The following QKI variants were observed in gnomAD, a reference collection of about 807,000 sequenced individuals.
QKI encodes QKI, KH domain containing RNA binding, also known as KH domain-containing RNA-binding protein QKI.
A neutral mutation model predicts 39.0 loss-of-function variants in QKI; 10 were observed. The observed-to-expected ratio is 0.26, with a 90% CI of 0.16 to 0.43. The LOEUF is 0.43. QKI is among the 20% of genes least tolerant of loss of function. The probability of loss-of-function intolerance (pLI) is 1.00; values close to 1 mark genes in which losing one functional copy is unlikely to be tolerated. For synonymous variants in QKI, 204 were observed against 155.4 expected (o/e 1.31, Z -2.33); for missense variants, 218 against 428.0 (o/e 0.51, Z 4.33).
At chr6:163,509,481 G>C (rs914795842) in intron 3 of QKI, among the ~76,000 whole-genome samples, 1 of 151,174 alleles carries the variant, frequency 6.6e-6, no homozygotes, top group Non-Finnish European at 1.5e-5. Flanking sequence ...TTAATAAAGG[G>C]GGGGGGGAAT....
intron 3 of QKI, among the ~76,000 whole-genome samples, chr6:163,515,280 C>T (rs757617057): frequency 6.6e-6 from 1 of 151,938 alleles, no homozygotes; most frequent in Non-Finnish European, 1.5e-5. Flanking sequence ...TAAATAGACA[C>T]AGACATATTG....
At chr6:163,550,358 C>G (rs1002313268) in intron 4 of QKI, among the ~76,000 whole-genome samples, 1 of 152,154 alleles carries the variant, frequency 6.6e-6, no homozygotes, top group Non-Finnish European at 1.5e-5. Context: ...CATTGAGGGA[C>G]TGATGGCAGA....
chr6:163,517,035 G>GGGAC (rs1554271440), intron 3 of QKI, among the ~76,000 whole-genome samples: 1 of 145,630 alleles, frequency 6.9e-6, no homozygotes, highest in Non-Finnish European at 1.5e-5. Context: ...AGCAGTAGGG[G>GGGAC]ACACACACAC....
chr6:163,527,935 A>C (rs1024503223), intron 3 of QKI, among the ~76,000 whole-genome samples: 4 of 152,176 alleles, frequency 2.6e-5, no homozygotes, highest in African/African-American at 9.7e-5. Context: ...ATGTAAGTGA[A>C]ATAGCTACAG....
At chr6:163,544,261 T>C (rs1781728246) in intron 4 of QKI, among the ~76,000 whole-genome samples, 1 of 152,042 alleles carries the variant, frequency 6.6e-6, no homozygotes, top group Admixed American at 6.6e-5. Context: ...TTATAAATAA[T>C]CTAGAGATGA....
At chr6:163,557,980 A>G (rs779385144) in intron 4 of QKI, among the ~76,000 whole-genome samples, 47 of 152,316 alleles carry the variant, frequency 3.1e-4, no homozygotes, top group Non-Finnish European at 4.9e-4. Context: ...TGAGTTCAGT[A>G]TTACAAAATA....
intron 1 of QKI, among the ~76,000 whole-genome samples, chr6:163,429,792 T>C (rs902364007): frequency 6.6e-6 from 1 of 152,220 alleles, no homozygotes; most frequent in South Asian, 2.1e-4. Context: ...ATTGAAACTT[T>C]TCATTCTATT....
chr6:163,569,671 TTTTG>T (rs1157734236), intron 7 of QKI: 2 of 1,000,550 alleles, frequency 2.0e-6, no homozygotes, highest in African/African-American at 1.7e-5. Context: ...TTTTTGTCCT[TTTTG>T]TTATTTTGCA....
chr6:163,449,276 G>A (rs1054878602), intron 1 of QKI, among the ~76,000 whole-genome samples: 1 of 152,064 alleles, frequency 6.6e-6, no homozygotes, highest in Non-Finnish European at 1.5e-5. Context: ...ATATATACTT[G>A]TCGTTTTACT....
At chr6:163,473,771 C>G (rs1792377393) in intron 2 of QKI, among the ~76,000 whole-genome samples, 1 of 152,102 alleles carries the variant, frequency 6.6e-6, no homozygotes, top group African/African-American at 2.4e-5. Context: ...GAAGAAATAA[C>G]AGCCATATAC....
chr6:163,514,726 A>G (rs902397394), intron 3 of QKI, among the ~76,000 whole-genome samples: 1 of 152,226 alleles, frequency 6.6e-6, no homozygotes. Flanking sequence ...ATATTAGGAT[A>G]GTTGAATTTG....
intron 3 of QKI, among the ~76,000 whole-genome samples, chr6:163,482,907 G>T (rs1212118862): frequency 1.1e-4 from 17 of 152,098 alleles, no homozygotes; most frequent in Admixed American, 1.1e-3. Flanking sequence ...TTAGAGGTTG[G>T]GGAATGAGGC....
chr6:163,546,938 G>A (rs1238460800), intron 4 of QKI, among the ~76,000 whole-genome samples: 1 of 151,878 alleles, frequency 6.6e-6, no homozygotes, highest in African/African-American at 2.4e-5. Context: ...AAACCTTTGT[G>A]GAGAAAAACT....
intron 7 of QKI, chr6:163,569,257 T>TTTA: frequency 3.1e-6 from 3 of 975,180 alleles, no homozygotes; most frequent in Non-Finnish European, 3.7e-6. Context: ...ATTTTTGTAG[T>TTTA]ATTTATAAAC....
chr6:163,570,889 C>A lies in QKI; in HGVS notation c.*179C>A. The A allele has an allele frequency of 2.3e-5, 17 of 743,516 alleles. No individual in the cohort carries two copies. Among genetic ancestry groups the A allele is most frequent in the African/African-American group, 3.7e-5 (2 of 54,130 alleles). The allele number at this position is 743,516 out of a possible 1,614,324, so 46.1% of individuals were successfully genotyped here. A position where few individuals can be genotyped will look rare whatever the true frequency, so the allele number is the denominator to read the frequency against. ...AGACAAAGAAATTGTTGTCCTCCAA[C>A]TCAGCTTTTTTTTTTTTTTTTTCCT... On this transcript the variant is annotated 3_prime_UTR_variant, in exon 8 of 8. Coordinates refer to ENST00000361752, the MANE Select transcript of QKI (RefSeq NM_006775.3).
intron 7 of QKI, chr6:163,570,006 C>A (rs933843313): frequency 1.0e-6 from 1 of 986,110 alleles, no homozygotes; most frequent in African/African-American, 1.7e-5. Flanking sequence ...AAAGGCCTGG[C>A]CATTTTCTGG....
At chr6:163,499,289 A>G (rs1583104268) in intron 3 of QKI, among the ~76,000 whole-genome samples, 2 of 152,322 alleles carry the variant, frequency 1.3e-5, no homozygotes, top group East Asian at 3.9e-4. Context: ...TGTATGACAT[A>G]TCTTGGACCA....
intron 1 of QKI, among the ~76,000 whole-genome samples, chr6:163,448,748 A>C (rs1458893604): frequency 6.6e-6 from 1 of 151,870 alleles, no homozygotes; most frequent in Non-Finnish European, 1.5e-5. Flanking sequence ...AAAAATAAAT[A>C]AGTAAATAAA....
At position 163,562,204 on chromosome 6, in the gene QKI, G is replaced by A. The variant is rs540269270; in HGVS notation, c.634+135G>A. On this transcript the variant is annotated intron_variant, in intron 5 of 7. Transcript: ENST00000361752. The stretch of plus-strand genomic sequence containing the variant: ...ATAACTGTTCTGTCACTTGATATGG[G>A]GCTGACAGTCCTATTTTTAATGCTT... The A allele has an allele frequency of 8.7e-5, 40 of 461,624 alleles. 1 individual carries two copies. In the South Asian group the frequency reaches 1.9e-3, roughly 21 times the overall value. 28.6% of individuals were successfully genotyped at this position (461,624 alleles called of 1,614,324 possible).
Sources: allele counts gnomAD v4.1 joint callset (sites outside exome capture counted in the v4.1 genomes callset), GRCh38; gene constraint gnomAD v4.1.1; transcripts MANE v1.5; gene names NCBI Gene and HGNC (gene_info 2026-07-23, HGNC 2026-07-21).